CLK3: variants seen among roughly 807,000 people sequenced by gnomAD.
The protein encoded by CLK3 is dual specificity protein kinase CLK3.
Under a neutral mutation model 65.2 loss-of-function variants are expected in CLK3, and 24 were observed. That is an observed-to-expected ratio of 0.37 (90% CI 0.27 to 0.52). The LOEUF (loss-of-function observed/expected upper bound fraction) is 0.52, where lower values mean the gene tolerates loss of function less well. CLK3 is among the 20% of genes least tolerant of loss of function. The probability of loss-of-function intolerance (pLI) is 0.92; values close to 1 mark genes in which losing one functional copy is unlikely to be tolerated. For synonymous variants in CLK3, 252 were observed against 240.8 expected (o/e 1.05, Z -0.43); for missense variants, 506 against 660.0 (o/e 0.77, Z 2.56).
Position 74,624,435 on chromosome 15 carries a change from T to A in CLK3, c.534-467T>A, listed in dbSNP as rs943600872. On this transcript the variant is annotated intron_variant, in intron 5 of 12. Coordinates refer to ENST00000395066, the MANE Select transcript of CLK3 (RefSeq NM_001130028.2). This position sits in a 1 kb window ranked among gnomAD's most constrained non-coding sequence, Gnocchi z 4.2. ...GCTGGTACCCCTACCTCTTGCCAGA[T>A]CTTTACTCGATCCTGGAACCCCCAT... The A allele has an allele frequency of 6.0e-6, 1 of 165,552 alleles. No individual in the cohort carries two copies. Among genetic ancestry groups the A allele is most frequent in the East Asian group, 1.6e-4 (1 of 6,116 alleles). The allele number at this position is 165,552 out of a possible 1,614,324, so 10.3% of individuals were successfully genotyped here.
rs76057423 is a variant in CLK3 at position 74,625,531 on chromosome 15, T to C, written c.651-271T>C. Among the ~76,000 whole-genome samples, 1,007 of 152,150 alleles carry C rather than the reference T, an allele frequency of 6.6e-3. 4 individuals carry two copies. The highest frequency in any genetic ancestry group is 0.02 in the African/African-American group (825 of 41,516). On this transcript the variant is annotated intron_variant, in intron 6 of 12. Coordinates refer to ENST00000395066, the MANE Select transcript of CLK3 (RefSeq NM_001130028.2). ...GGCAGGGCTGCTTCCATATCATAAG[T>C]AGGGAAGCTCGGAGGGCTTGGACCA...
chr15:74,626,950 G>A (rs942451192), intron 7 of CLK3: 1 of 456,766 alleles, frequency 2.2e-6, no homozygotes, highest in African/African-American at 2.0e-5. Flanking sequence ...AATATTCTTA[G>A]TAACTTGAAC....
chr15:74,627,681 A>G lies in CLK3; in HGVS notation c.1042+13A>G. On this transcript the variant is annotated intron_variant, in intron 9 of 12. Transcript: ENST00000395066. The surrounding 1 kb of genome is among the most constrained non-coding windows in gnomAD (Gnocchi z 4.3). ...GAGGTGATCCTTGGTGAGTGACTGT[A>G]TGGCCTGTGACCTTGTCATACTGGA... The G allele has an allele frequency of 6.2e-7, 1 of 1,613,254 alleles. No homozygotes were observed. The highest frequency in any genetic ancestry group is 8.5e-7 in the Non-Finnish European group (1 of 1,179,992).
In CLK3 at chr15:74,620,147, G is replaced by A; in HGVS notation, c.291G>A (p.Glu97=). 1 of 1,614,128 alleles carries A rather than the reference G, an allele frequency of 6.2e-7. No homozygotes were observed. The highest frequency in any genetic ancestry group is 8.5e-7 in the Non-Finnish European group (1 of 1,180,048). Residue 97 remains glutamate, a synonymous_variant, in exon 3 of 13, where the codon GAG becomes GAA. Coordinates refer to ENST00000395066, the MANE Select transcript of CLK3 (RefSeq NM_001130028.2). ...CTCGTCATCGTCGGCGATCGCGGGA[G>A]AGGGGGCCATACCGGACCCGCAAGC... ...SRSRHRRRSR[E]RGPYRTRKHA...
upstream of CLK3, among the ~76,000 whole-genome samples, chr15:74,611,697 G>A (rs1311343178): frequency 6.6e-6 from 1 of 152,264 alleles, no homozygotes; most frequent in Non-Finnish European, 1.5e-5. Flanking sequence ...CTTCAGTGGG[G>A]CTTGGTGGGC....
At position 74,630,130 on chromosome 15, in the gene CLK3, A is replaced by G; in HGVS notation, c.*247A>G. The G allele has an allele frequency of 2.2e-6, 1 of 452,732 alleles. No individual in the cohort carries two copies. The highest frequency in any genetic ancestry group is 4.1e-5 in the South Asian group (1 of 24,156). 28.0% of individuals were successfully genotyped at this position (452,732 alleles called of 1,614,324 possible). A position where few individuals can be genotyped will look rare whatever the true frequency, so the allele number is the denominator to read the frequency against. The stretch of plus-strand genomic sequence containing the variant: ...CTTACTGTTTGTAACCCCTGGTACC[A>G]GTGTGTCCATCTCCAGGCTCCTTGC... On this transcript the variant is annotated 3_prime_UTR_variant, in exon 13 of 13. Transcript: ENST00000395066.
At chr15:74,608,967 C>G (rs112678578) in intron 1 of CLK3, among the ~76,000 whole-genome samples, 6,453 of 152,294 alleles carry the variant, frequency 0.042, 152 homozygotes, top group Middle Eastern at 0.13. Context: ...CCCAGTGCTG[C>G]TAGCAGCCCC....
rs1028642761 is a variant in CLK3 at position 74,628,457 on chromosome 15, G to T, written c.1126-147G>T. The stretch of plus-strand genomic sequence containing the variant: ...GGCTGAGGAGCCTAGGCACAGGCTG[G>T]CAGGAGAAGCTGGGGCTGCCGCTTC... On this transcript the variant is annotated intron_variant, in intron 10 of 12. Coordinates refer to ENST00000395066, the MANE Select transcript of CLK3 (RefSeq NM_001130028.2). 98 of 606,816 alleles carry T rather than the reference G, an allele frequency of 1.6e-4. 1 individual carries two copies. In the African/African-American group the frequency reaches 1.7e-3, roughly 10 times the overall value. 37.6% of individuals were successfully genotyped at this position (606,816 alleles called of 1,614,324 possible). A position where few individuals can be genotyped will look rare whatever the true frequency, so the allele number is the denominator to read the frequency against.
chr15:74,630,133 G>A lies in CLK3; in HGVS notation c.*250G>A. On this transcript the variant is annotated 3_prime_UTR_variant, in exon 13 of 13. Coordinates refer to ENST00000395066, the MANE Select transcript of CLK3 (RefSeq NM_001130028.2). ...ACTGTTTGTAACCCCTGGTACCAGT[G>A]TGTCCATCTCCAGGCTCCTTGCCTT... 1 of 446,220 alleles carries A rather than the reference G, an allele frequency of 2.2e-6. No homozygotes were observed. 27.6% of individuals were successfully genotyped at this position (446,220 alleles called of 1,614,324 possible).
intron 1 of CLK3, among the ~76,000 whole-genome samples, chr15:74,609,851 C>A (rs1338131814): frequency 6.6e-6 from 1 of 152,242 alleles, no homozygotes; most frequent in Non-Finnish European, 1.5e-5. Flanking sequence ...TGCCTCAGGG[C>A]ATGTTGTGGC....
At chr15:74,619,974 C>G in intron 2 of CLK3, 35 bp from the exon 3 acceptor site, 1 of 1,613,234 alleles carries the variant, frequency 6.2e-7, no homozygotes, top group Non-Finnish European at 8.5e-7. Flanking sequence ...CAGCAAGGAC[C>G]CAGCTGACCA....
At chr15:74,612,768 T>A (rs1452175315), upstream of CLK3, among the ~76,000 whole-genome samples, 1 of 152,234 alleles carries the variant, frequency 6.6e-6, no homozygotes, top group Non-Finnish European at 1.5e-5. Flanking sequence ...ACAAGGCTTC[T>A]CTAAGACAGA....
At position 74,622,827 on chromosome 15, in the gene CLK3, A is replaced by T. The variant is rs1313418086; in HGVS notation, c.533+267A>T. ...TCTGCTCCAATCTCTTCACTTCTCC[A>T]GGGCTGTGGTGGTGGATATCAGAAC... is the stretch of plus-strand genomic sequence containing the variant. On this transcript the variant is annotated intron_variant, in intron 5 of 12. Coordinates refer to ENST00000395066, the MANE Select transcript of CLK3 (RefSeq NM_001130028.2). The surrounding 1 kb of genome is among the most constrained non-coding windows in gnomAD (Gnocchi z 4.6). Among the ~76,000 whole-genome samples, 1 of 152,180 alleles carries T rather than the reference A, an allele frequency of 6.6e-6. No homozygotes were observed. The highest frequency in any genetic ancestry group is 1.5e-5 in the Non-Finnish European group (1 of 68,028).
In CLK3 at chr15:74,619,363, G is replaced by A. The variant is rs1450544063; in HGVS notation, c.152+15G>A. 1 of 1,613,436 alleles carries A rather than the reference G, an allele frequency of 6.2e-7. No homozygotes were observed. Among genetic ancestry groups the A allele is most frequent in the African/African-American group, 1.3e-5 (1 of 74,914 alleles). ...CGGTCCAGAAGGTGAGAGGGAACTA[G>A]ATAGGAGGGAAAGACTCCTTCTGTC... On this transcript the variant is annotated intron_variant, in intron 2 of 12. Coordinates refer to ENST00000395066, the MANE Select transcript of CLK3 (RefSeq NM_001130028.2).
Position 74,622,868 on chromosome 15 carries a change from G to C in CLK3, c.533+308G>C, listed in dbSNP as rs1379437588. 6.6e-6 allele frequency among the ~76,000 whole-genome samples: 1 copy of C among 152,162 alleles called. No individual in the cohort carries two copies. Among genetic ancestry groups the C allele is most frequent in the East Asian group, 1.9e-4 (1 of 5,196 alleles). On this transcript the variant is annotated intron_variant, in intron 5 of 12. Transcript: ENST00000395066. The surrounding 1 kb of genome is among the most constrained non-coding windows in gnomAD (Gnocchi z 4.6). Reference sequence around the variant, plus strand: ...ATATCAGAACAGGGCCAAGGCCCCGGCTCCCCTGTGGCTTGGAGCTGCTTC... The same window carrying C: ...ATATCAGAACAGGGCCAAGGCCCCGCCTCCCCTGTGGCTTGGAGCTGCTTC...
chr15:74,625,848 T>C lies in CLK3; in HGVS notation c.697T>C (p.Cys233Arg). ...SDWFNFHGHM[C>R]IAFELLGKNT... The stretch of plus-strand genomic sequence containing the variant: ...CTGGTTCAACTTCCACGGTCACATG[T>C]GCATCGCCTTTGAGCTCCTGGGCAA... Residue 233 changes from cysteine to arginine, a missense_variant, in exon 7 of 13, where the codon TGC (cysteine) becomes CGC (arginine). Cys to Arg is a radical substitution (Grantham distance 180, BLOSUM62 -3). Transcript: ENST00000395066. 1 of 1,614,168 alleles carries C rather than the reference T, an allele frequency of 6.2e-7. No individual in the cohort carries two copies. Among genetic ancestry groups the C allele is most frequent in the Non-Finnish European group, 8.5e-7 (1 of 1,180,028 alleles).
At chr15:74,620,365 T>TGTG in intron 3 of CLK3, 140 bp downstream of exon 3, 1 of 1,198,536 alleles carries the variant, frequency 8.3e-7, no homozygotes, top group Non-Finnish European at 1.2e-6. Context: ...TGTGTATGTG[T>TGTG]TGTCTGGTCC....
Position 74,627,989 on chromosome 15 carries a change from C to A in CLK3, c.1062C>A (p.Pro354=). The change falls in exon 10 of 13, where the codon CCC becomes CCA. Residue 354 remains proline, a synonymous_variant. Coordinates refer to ENST00000395066, the MANE Select transcript of CLK3 (RefSeq NM_001130028.2). The surrounding 1 kb of genome is among the most constrained non-coding windows in gnomAD (Gnocchi z 4.3). ...TTGCAGAGCTGGGCTGGGCACAGCC[C>A]TGTGACGTCTGGAGCATTGGCTGCA... ...EVILELGWAQ[P]CDVWSIGCIL... 1.2e-6 allele frequency: 2 copies of A among 1,613,720 alleles called. No homozygotes were observed. Among genetic ancestry groups the A allele is most frequent in the Non-Finnish European group, 8.5e-7 (1 of 1,179,608 alleles).
Position 74,624,643 on chromosome 15 carries a change from G to C in CLK3, c.534-259G>C, listed in dbSNP as rs2062129733. 1.8e-6 allele frequency: 1 copy of C among 542,164 alleles called. No homozygotes were observed. Among genetic ancestry groups the C allele is most frequent in the Non-Finnish European group, 3.3e-6 (1 of 299,606 alleles). The allele number at this position is 542,164 out of a possible 1,614,324, so 33.6% of individuals were successfully genotyped here. On this transcript the variant is annotated intron_variant, in intron 5 of 12. Coordinates refer to ENST00000395066, the MANE Select transcript of CLK3 (RefSeq NM_001130028.2). The surrounding 1 kb of genome is among the most constrained non-coding windows in gnomAD (Gnocchi z 4.2). ...TCTACTCTCCCACACTCCTTTGGGA[G>C]CTGGCAGTGGCTGAGAACATAAAAG...
Sources: gnomAD v4.1 joint callset for allele counts (sites outside exome capture counted in the v4.1 genomes callset) on GRCh38, gnomAD v4.1.1 for gene constraint, Gnocchi (gnomAD v3.1) non-coding constraint, MANE v1.5 for transcripts, NCBI Gene and HGNC (gene_info 2026-07-23, HGNC 2026-07-21) for gene names.